Variants in ATP7A observed in about 807,000 individuals in gnomAD.
The protein encoded by ATP7A is ATPase copper transporting alpha.
A neutral mutation model predicts 83.5 loss-of-function variants in ATP7A; 7 were observed. That is an observed-to-expected ratio of 0.08 (90% CI 0.05 to 0.16). ATP7A has a LOEUF of 0.16. Among genes scored for constraint, ATP7A ranks in the 10% least tolerant of loss-of-function variants. The pLI is 1.00. For synonymous variants in ATP7A, 354 were observed against 395.2 expected, an observed-to-expected ratio of 0.90 and a Z score of 1.24; for missense variants, 940 against 1,120.8, an observed-to-expected ratio of 0.84 and a Z score of 2.30.
intron 1 of ATP7A, among the ~76,000 whole-genome samples, chrX:77,934,869 T>A (rs895274713): frequency 1.2e-4 from 13 of 108,219 alleles, no homozygotes; most frequent in East Asian, 2.9e-4. Flanking sequence ...TTTTTTTTTT[T>A]AAACAGCCTT....
chrX:77,944,446 T>A (rs1165591134), intron 1 of ATP7A, among the ~76,000 whole-genome samples: 1 of 111,218 alleles, frequency 9.0e-6, no homozygotes, highest in African/African-American at 3.3e-5. Context: ...ATATTTTTAA[T>A]TTAAAATTTT....
intron 22 of ATP7A, 152 bp from the exon 23 acceptor site, chrX:78,046,142 C>T (rs375285662): frequency 3.8e-5 from 23 of 601,462 alleles, no homozygotes; most frequent in East Asian, 3.4e-4. Flanking sequence ...CCACACAATT[C>T]GTTTCAAGCT....
In ATP7A at chrX:77,968,926, G is replaced by A. The variant is rs1482832333; in HGVS notation, c.-21-2695G>A. 1.1e-5 allele frequency: 13 copies of A among 1,208,714 alleles called. No homozygotes were observed. The East Asian group carries it at 1.2e-4, about 11-fold the overall frequency. On this transcript the variant is annotated intron_variant, in intron 1 of 22. Transcript: ENST00000341514. ...CACAGCTTCTATGGCTTTGCACACC[G>A]TCTCTTCATCCCCCAGAAACTGCAT... is the stretch of plus-strand genomic sequence containing the variant.
In ATP7A at chrX:77,988,340, T is replaced by C. The variant is rs1557231581; in HGVS notation, c.219T>C (p.Ala73=). ...QEAIDDMGFD[A]VIHNPDPLPV... ...CTATTGATGACATGGGCTTTGATGCTGTTATCCATAATCCTGACCCTCTCC... is the reference window on the plus strand; with the variant it reads ...CTATTGATGACATGGGCTTTGATGCCGTTATCCATAATCCTGACCCTCTCC... Residue 73 remains alanine, a synonymous_variant, in exon 3 of 23, where the codon GCT becomes GCC. Transcript: ENST00000341514. 1.5e-5 allele frequency: 18 copies of C among 1,206,536 alleles called. 2 individuals are homozygous for C. The Admixed American group carries it at 3.5e-4, about 24-fold the overall frequency.
chrX:77,915,546 A>G (rs1712459012), intron 1 of ATP7A, among the ~76,000 whole-genome samples: 1 of 111,159 alleles, frequency 9.0e-6, no homozygotes, highest in South Asian at 3.7e-4. Context: ...CAGATAGTAA[A>G]CATACAATAA....
At chrX:77,950,231 C>T (rs1357340424) in intron 1 of ATP7A, among the ~76,000 whole-genome samples, 5 of 112,283 alleles carry the variant, frequency 4.5e-5, no homozygotes, top group African/African-American at 1.6e-4. Context: ...AGCATCTCAG[C>T]TTCAAGGGGA....
rs61742278 is a variant in ATP7A, at chrX:78,009,217, A to G, written c.1823A>G (p.Tyr608Cys). 809 of 1,208,330 alleles carry G rather than the reference A, an allele frequency of 6.7e-4. 2 individuals carry two copies. The African/African-American group carries it at 0.012, about 18-fold the overall frequency. The change falls in exon 7 of 23, where the codon TAT (tyrosine) becomes TGT (cysteine). Residue 608 changes from tyrosine (Y) to cysteine (C), a missense_variant. This residue lies in a region of ATP7A where 204 missense variants were observed against 185.8 expected (regional missense o/e 1.10). Transcript: ENST00000341514. ...ALATNKAHIK[Y>C]DPEIIGPRDI... ...GCAACCAACAAAGCACATATTAAAT[A>G]TGACCCAGAAATTATTGGTCCTAGA...
chrX:77,930,702 G>A (rs1557224077), intron 1 of ATP7A, among the ~76,000 whole-genome samples: 2 of 111,707 alleles, frequency 1.8e-5, no homozygotes, highest in African/African-American at 6.5e-5. Flanking sequence ...TCTTTAGGAT[G>A]GGGAAAATTA....
chrX:78,028,328 A>G (rs2077960568), intron 14 of ATP7A, among the ~76,000 whole-genome samples: 1 of 110,589 alleles, frequency 9.0e-6, no homozygotes, highest in South Asian at 3.8e-4. Flanking sequence ...AGCTGGGATT[A>G]CAGGCATGTG....
intron 2 of ATP7A, among the ~76,000 whole-genome samples, chrX:77,973,377 G>A (rs2077559695): frequency 3.6e-5 from 4 of 111,809 alleles, no homozygotes; most frequent in African/African-American, 1.3e-4. Flanking sequence ...TACCACAGTG[G>A]AAATACCATT....
intron 4 of ATP7A, among the ~76,000 whole-genome samples, chrX:77,990,848 C>A (rs938851467): frequency 4.5e-5 from 5 of 111,791 alleles, no homozygotes; most frequent in Non-Finnish European, 9.4e-5. Flanking sequence ...TCTTTGCTAT[C>A]CTGATTAGAA....
chrX:77,992,467 A>C (rs1268040085), intron 4 of ATP7A, among the ~76,000 whole-genome samples: 1 of 111,806 alleles, frequency 8.9e-6, no homozygotes, highest in Non-Finnish European at 1.9e-5. Flanking sequence ...GTCTGAACGA[A>C]GTGTAGGAAA....
chrX:77,924,082 T>G (rs781886112), intron 1 of ATP7A: 2 of 111,300 alleles, frequency 1.8e-5, no homozygotes, highest in South Asian at 7.5e-4. Flanking sequence ...TTTTTTTTAT[T>G]CTACCAGAAC....
At chrX:77,986,959 A>G (rs2077640854) in intron 2 of ATP7A, among the ~76,000 whole-genome samples, 1 of 111,386 alleles carries the variant, frequency 9.0e-6, no homozygotes, top group Non-Finnish European at 1.9e-5. Context: ...GGCATATAGA[A>G]CCCCATAATA....
chrX:77,932,892 G>A (rs936741549), intron 1 of ATP7A, among the ~76,000 whole-genome samples: 1 of 110,485 alleles, frequency 9.1e-6, no homozygotes, highest in African/African-American at 3.3e-5. Context: ...GAGGGAGACC[G>A]TGGAAAGAGA....
chrX:78,020,712 G>T (rs992619402), intron 13 of ATP7A, among the ~76,000 whole-genome samples: 1 of 110,290 alleles, frequency 9.1e-6, no homozygotes, highest in Non-Finnish European at 1.9e-5. Flanking sequence ...ATAGAAACAG[G>T]GTCTCCCTAA....
At chrX:78,041,949 C>G (rs2078051743) in intron 19 of ATP7A, among the ~76,000 whole-genome samples, 1 of 108,766 alleles carries the variant, frequency 9.2e-6, no homozygotes, top group East Asian at 2.9e-4. Context: ...GAAACCTTGT[C>G]TCTACTAAAA....
Position 77,996,540 on chromosome X carries a change from G to A in ATP7A, c.1337-1938G>A, listed in dbSNP as rs1208963287. 2.7e-5 allele frequency among the ~76,000 whole-genome samples: 3 copies of A among 111,703 alleles called. No individual in the cohort carries two copies. The Admixed American group carries it at 2.9e-4, about 11-fold the overall frequency. On this transcript the variant is annotated intron_variant, in intron 4 of 22. Transcript: ENST00000341514. ...TTCACACCCTTACTGTCTCTGTGGA[G>A]GATGAAGAAGGCTTTGCTCTTTTGC...
At chrX:77,916,683 C>G (rs2077187560) in intron 1 of ATP7A, among the ~76,000 whole-genome samples, 1 of 111,486 alleles carries the variant, frequency 9.0e-6, no homozygotes, top group Non-Finnish European at 1.9e-5. Flanking sequence ...TATGTCTAAC[C>G]TACTCTGCAA....
Sources: allele counts gnomAD v4.1 joint callset (sites outside exome capture counted in the v4.1 genomes callset), GRCh38; gene constraint gnomAD v4.1.1; regional missense constraint gnomAD v4.1.1; transcripts MANE v1.5; gene names NCBI Gene and HGNC (gene_info 2026-07-23, HGNC 2026-07-21).